MARCHF4: variants seen among roughly 807,000 people sequenced by gnomAD.
MARCHF4 encodes the protein membrane associated ring-CH-type finger 4.
MARCHF4 carries 14 observed loss-of-function variants against 43.9 expected under a neutral mutation model. The observed-to-expected ratio is 0.32, with a 90% CI of 0.21 to 0.50. The LOEUF is 0.50. MARCHF4 is among the 20% of genes least tolerant of loss of function. The pLI is 0.98. For synonymous variants in MARCHF4, 226 were observed against 213.3 expected (o/e 1.06, Z -0.52); for missense variants, 468 against 536.7 (o/e 0.87, Z 1.27).
chr2:216,351,990 A>C (rs1236453977), intron 1 of MARCHF4, among the ~76,000 whole-genome samples: 1 of 152,206 alleles, frequency 6.6e-6, no homozygotes, highest in East Asian at 1.9e-4. Flanking sequence ...GATAATTCCA[A>C]GTGCTGAGAA....
intron 1 of MARCHF4, among the ~76,000 whole-genome samples, chr2:216,324,970 T>C (rs1691964766): frequency 1.3e-5 from 2 of 151,312 alleles, no homozygotes; most frequent in South Asian, 4.2e-4. Flanking sequence ...GCCAGGGCAA[T>C]TAGGCAGGAG....
chr2:216,302,620 G>A (rs570221441), intron 1 of MARCHF4, among the ~76,000 whole-genome samples: 10 of 152,014 alleles, frequency 6.6e-5, no homozygotes, highest in South Asian at 2.1e-4. Context: ...ATTTTAGGCC[G>A]GGTGTGGTGG....
At chr2:216,363,835 G>C (rs902060439) in intron 1 of MARCHF4, among the ~76,000 whole-genome samples, 3 of 152,200 alleles carry the variant, frequency 2.0e-5, no homozygotes, top group Admixed American at 2.0e-4. Context: ...CTTTGCTGAA[G>C]ATATATTTGT....
At chr2:216,287,747 C>A (rs555355141) in intron 1 of MARCHF4, among the ~76,000 whole-genome samples, 19 of 151,366 alleles carry the variant, frequency 1.3e-4, no homozygotes, top group Admixed American at 6.6e-4. Flanking sequence ...ATGTAACAAA[C>A]CTGCAGGTTG....
intron 1 of MARCHF4, among the ~76,000 whole-genome samples, chr2:216,342,950 A>G (rs1692258315): frequency 6.7e-6 from 1 of 148,612 alleles, no homozygotes; most frequent in Admixed American, 6.7e-5. Context: ...GGCTGTGGGG[A>G]GGGTGGGGCA....
chr2:216,339,031 C>T (rs1692198663), intron 1 of MARCHF4, among the ~76,000 whole-genome samples: 1 of 152,132 alleles, frequency 6.6e-6, no homozygotes, highest in South Asian at 2.1e-4. Context: ...TCTTGGCTGT[C>T]CCAGGTTGGA....
chr2:216,271,738 T>C (rs890365083), intron 3 of MARCHF4, among the ~76,000 whole-genome samples: 2 of 152,162 alleles, frequency 1.3e-5, no homozygotes, highest in Non-Finnish European at 2.9e-5. Context: ...GAAAGATTCT[T>C]GAAAGCAGGT....
chr2:216,345,684 C>T (rs980527052), intron 1 of MARCHF4, among the ~76,000 whole-genome samples: 1 of 152,162 alleles, frequency 6.6e-6, no homozygotes, highest in Non-Finnish European at 1.5e-5. Flanking sequence ...AACCACTGAC[C>T]CCTTTGCTGC....
chr2:216,319,871 C>G (rs1053749378), intron 1 of MARCHF4, among the ~76,000 whole-genome samples: 13 of 152,180 alleles, frequency 8.5e-5, no homozygotes, highest in Admixed American at 2.0e-4. Flanking sequence ...ACTAATACCC[C>G]CAACTGCTTG....
chr2:216,286,533 A>C (rs1232030039), intron 1 of MARCHF4, among the ~76,000 whole-genome samples: 1 of 144,444 alleles, frequency 6.9e-6, no homozygotes, highest in Non-Finnish European at 1.5e-5. Context: ...AAAAAAAAAA[A>C]AGAAGAAGAA....
At chr2:216,296,453 G>C (rs1364829076) in intron 1 of MARCHF4, among the ~76,000 whole-genome samples, 1 of 152,180 alleles carries the variant, frequency 6.6e-6, no homozygotes, top group African/African-American at 2.4e-5. Flanking sequence ...TCCTGCACAT[G>C]TGTGTGTTTC....
intron 1 of MARCHF4, among the ~76,000 whole-genome samples, chr2:216,343,437 A>G (rs1433824855): frequency 6.6e-6 from 1 of 152,150 alleles, no homozygotes; most frequent in Admixed American, 6.5e-5. Flanking sequence ...ATCTACTCAC[A>G]TGACCTCATC....
At chr2:216,307,724 C>T (rs554069215) in intron 1 of MARCHF4, among the ~76,000 whole-genome samples, 11 of 152,222 alleles carry the variant, frequency 7.2e-5, no homozygotes, top group African/African-American at 2.6e-4. Context: ...AGGTTGAAAC[C>T]ACTTGTTGAG....
intron 1 of MARCHF4, among the ~76,000 whole-genome samples, chr2:216,335,236 G>A (rs536050784): frequency 2.1e-4 from 32 of 152,272 alleles, no homozygotes; most frequent in Non-Finnish European, 3.8e-4. Context: ...CAGAAGATGC[G>A]CCAAGCAAGA....
intron 1 of MARCHF4, among the ~76,000 whole-genome samples, chr2:216,369,496 G>T (rs369561480): frequency 6.6e-6 from 1 of 152,126 alleles, no homozygotes; most frequent in Admixed American, 6.5e-5. Flanking sequence ...ATTTGGAGTT[G>T]GAATTGGAGA....
intron 1 of MARCHF4, among the ~76,000 whole-genome samples, chr2:216,320,577 A>T (rs764807403): frequency 9.9e-5 from 15 of 151,590 alleles, no homozygotes; most frequent in Non-Finnish European, 1.6e-4. Context: ...AGCCTCTCAT[A>T]GCAGATAAGG....
chr2:216,335,726 T>C (rs1053949163), intron 1 of MARCHF4, among the ~76,000 whole-genome samples: 2 of 152,036 alleles, frequency 1.3e-5, no homozygotes, highest in African/African-American at 2.4e-5. Context: ...GCCTTGAATA[T>C]GACAGACATT....
chr2:216,280,251 G>T (rs1470980974), intron 2 of MARCHF4, among the ~76,000 whole-genome samples: 4 of 152,012 alleles, frequency 2.6e-5, no homozygotes, highest in African/African-American at 9.7e-5. Context: ...GCTGCCACCA[G>T]ATCCCCACTC....
In MARCHF4 at chr2:216,370,610, G is replaced by A. The variant is rs1400033532; in HGVS notation, c.-350C>T. The A allele has an allele frequency of 1.3e-5, 3 of 225,542 alleles. No homozygotes were observed. The highest frequency in any genetic ancestry group is 2.3e-5 in the African/African-American group (1 of 44,050). The allele number at this position is 225,542 out of a possible 1,614,324, so 14.0% of individuals were successfully genotyped here. ...GAAGCGTGGTGGAGGGGCCACTAGA[G>A]CCTCTGTCGAATTGTTTAAATCAAT... On this transcript the variant is annotated 5_prime_UTR_variant, in exon 1 of 4. Transcript: ENST00000273067.
Sources: gnomAD v4.1 joint callset for allele counts (sites outside exome capture counted in the v4.1 genomes callset) on GRCh38, gnomAD v4.1.1 for gene constraint, MANE v1.5 for transcripts, NCBI Gene and HGNC (gene_info 2026-07-23, HGNC 2026-07-21) for gene names.